ASIP: variants seen among roughly 807,000 people sequenced by gnomAD.
The protein encoded by ASIP is agouti signaling protein.
In ASIP, 11 loss-of-function variants were observed where a neutral mutation model predicts 10.3. The observed-to-expected ratio is 1.07, with a 90% CI of 0.68 to 1.78. The LOEUF (loss-of-function observed/expected upper bound fraction) is 1.78. Among genes scored for constraint, ASIP ranks in the 40% most tolerant of loss-of-function variants. The pLI is 0.00. For synonymous variants in ASIP, 70 were observed against 70.8 expected (o/e 0.99, Z 0.06); for missense variants, 180 against 169.2 (o/e 1.06, Z -0.35).
chr20:34,205,396 A>C (rs1389941301), intron 1 of ASIP, among the ~76,000 whole-genome samples: 1 of 151,246 alleles, frequency 6.6e-6, no homozygotes, highest in African/African-American at 2.4e-5. Flanking sequence ...GCGCATCCGG[A>C]GTTGTTCATT....
chr20:34,206,678 A>G (rs2034939181), intron 1 of ASIP, among the ~76,000 whole-genome samples: 1 of 152,176 alleles, frequency 6.6e-6, no homozygotes, highest in Non-Finnish European at 1.5e-5. Context: ...TCCTGGGTTC[A>G]AGCAATTCTT....
intron 1 of ASIP, among the ~76,000 whole-genome samples, chr20:34,197,366 T>C (rs531528560): frequency 6.6e-6 from 1 of 152,088 alleles, no homozygotes; most frequent in Admixed American, 6.5e-5. Flanking sequence ...GTCTCAAAAA[T>C]AGAAAAAAAG....
chr20:34,213,990 C>T, intron 1 of ASIP: 1 of 1,574,768 alleles, frequency 6.4e-7, no homozygotes, highest in Non-Finnish European at 8.6e-7. Flanking sequence ...TAAACTTCTC[C>T]ATTAGTGGAG....
At chr20:34,258,346 CT>C (rs56005855) in intron 1 of ASIP, among the ~76,000 whole-genome samples, 1,551 of 138,200 alleles carry the variant, frequency 0.011, 22 homozygotes, top group African/African-American at 0.032. Flanking sequence ...GTTGGATATT[CT>C]TTTTTTTTTT....
chr20:34,199,031 G>GT (rs1037684686), intron 1 of ASIP, among the ~76,000 whole-genome samples: 3 of 152,050 alleles, frequency 2.0e-5, no homozygotes, highest in Non-Finnish European at 4.4e-5. Flanking sequence ...GTGTGTAGGT[G>GT]TTTTTATGCG....
chr20:34,250,668 A>G (rs1036562189), intron 1 of ASIP, among the ~76,000 whole-genome samples: 1 of 152,102 alleles, frequency 6.6e-6, no homozygotes, highest in Non-Finnish European at 1.5e-5. Flanking sequence ...GTAGTGGTGC[A>G]TGCCTGTAAT....
At chr20:34,201,396 T>C (rs1209101236) in intron 1 of ASIP, among the ~76,000 whole-genome samples, 1 of 152,192 alleles carries the variant, frequency 6.6e-6, no homozygotes, top group African/African-American at 2.4e-5. Context: ...CGAGAATTGA[T>C]AGGGTTAATT....
chr20:34,201,000 C>T lies in ASIP; in HGVS notation c.-11+6240C>T, dbSNP rs1472212252. On this transcript the variant is annotated intron_variant, in intron 1 of 3. Coordinates refer to the ASIP transcript ENST00000568305. Reference sequence around the variant, plus strand: ...TCCTTCCTTCCTTCCTTCCTTCCTTCCTTCCTTCCTTCCTTCCTTCTTTCT... The same window carrying T: ...TCCTTCCTTCCTTCCTTCCTTCCTTTCTTCCTTCCTTCCTTCCTTCTTTCT... Among the ~76,000 whole-genome samples, 70 of 64,818 alleles carry T rather than the reference C, an allele frequency of 1.1e-3. 3 individuals are homozygous for T. In the African/African-American group the frequency reaches 0.012, roughly 11 times the overall value. The allele number at this position is 64,818 out of a possible 152,430, so 42.5% of individuals were successfully genotyped here.
chr20:34,268,899 G>T, intron 3 of ASIP, 92 bp from the exon 4 acceptor site: 2 of 1,484,996 alleles, frequency 1.3e-6, no homozygotes, highest in Non-Finnish European at 1.8e-6. Context: ...CTCTGGTCCG[G>T]GATCTCCCTA....
intron 1 of ASIP, among the ~76,000 whole-genome samples, chr20:34,250,863 G>T (rs2035463196): frequency 6.6e-6 from 1 of 152,048 alleles, no homozygotes; most frequent in Non-Finnish European, 1.5e-5. Flanking sequence ...ATCCCTGAAG[G>T]ATTAAGATAC....
chr20:34,219,396 A>G (rs981232103), intron 1 of ASIP, among the ~76,000 whole-genome samples: 4 of 152,152 alleles, frequency 2.6e-5, no homozygotes, highest in African/African-American at 2.4e-5. Context: ...TTTTAATTTA[A>G]TCTCCCAAAA....
chr20:34,241,223 T>A (rs1209010955), upstream of ASIP, among the ~76,000 whole-genome samples: 2 of 152,234 alleles, frequency 1.3e-5, no homozygotes, highest in African/African-American at 4.8e-5. Flanking sequence ...AAATAAAGGA[T>A]AACCCTTTAC....
Position 34,235,857 on chromosome 20 carries a change from GAAGGAAGGA to G in ASIP, c.-10-24497_-10-24489del, listed in dbSNP as rs1359987997. The stretch of plus-strand genomic sequence containing the variant: ...AGAAAGAAAGAAGGAAGGAAGGAAG[GAAGGAAGGA>G]AAGGAAGGAAGGAAGGAAGGAAGGA... On this transcript the variant is annotated intron_variant, in intron 1 of 3. Transcript: ENST00000568305. Among the ~76,000 whole-genome samples the G allele has an allele frequency of 2.3e-3, 106 of 45,386 alleles. 3 individuals carry two copies. In the African/African-American group the frequency reaches 0.025, roughly 11 times the overall value. The allele number at this position is 45,386 out of a possible 152,430, so 29.8% of individuals were successfully genotyped here.
upstream of ASIP, among the ~76,000 whole-genome samples, chr20:34,238,924 T>C (rs1369018797): frequency 6.6e-6 from 1 of 152,210 alleles, no homozygotes; most frequent in Non-Finnish European, 1.5e-5. Context: ...AAGCCTTCAA[T>C]AGACTCCATG....
At chr20:34,246,302 C>A (rs2035374430) in intron 1 of ASIP, 1 of 1,550,968 alleles carries the variant, frequency 6.4e-7, no homozygotes, top group African/African-American at 1.4e-5. Flanking sequence ...TTGACCCTCA[C>A]TAATTCCAGC....
chr20:34,235,932 G>A lies in ASIP; in HGVS notation c.-10-24433G>A, dbSNP rs933239280. Among the ~76,000 whole-genome samples, 711 of 94,044 alleles carry A rather than the reference G, an allele frequency of 7.6e-3. 229 individuals carry two copies. The African/African-American group carries it at 0.095, about 13-fold the overall frequency. 61.7% of individuals were successfully genotyped at this position (94,044 alleles called of 152,430 possible). On this transcript the variant is annotated intron_variant, in intron 1 of 3. Coordinates refer to the ASIP transcript ENST00000568305. ...GAAGGAAGGAAGGAAGGAAGGAAGC[G>A]GGAGGGAGGGAAGAAGGAAGGAAGG...
upstream of ASIP, among the ~76,000 whole-genome samples, chr20:34,237,629 G>A (rs530384277): frequency 9.9e-5 from 15 of 152,150 alleles, no homozygotes; most frequent in South Asian, 1.4e-3. Flanking sequence ...TTTTTAATGC[G>A]GATGGCTTTG....
At chr20:34,254,064 T>TGTTTC (rs779968482) in intron 1 of ASIP, among the ~76,000 whole-genome samples, 1 of 151,928 alleles carries the variant, frequency 6.6e-6, no homozygotes, top group African/African-American at 2.4e-5. Context: ...TGTTTTGTTT[T>TGTTTC]GTTTCGTTTT....
At chr20:34,244,560 G>A (rs2035338478) in intron 1 of ASIP, among the ~76,000 whole-genome samples, 1 of 152,170 alleles carries the variant, frequency 6.6e-6, no homozygotes, top group Non-Finnish European at 1.5e-5. Context: ...ACCACACAAT[G>A]TGCCATCACT....
Sources: gnomAD v4.1 joint callset for allele counts (sites outside exome capture counted in the v4.1 genomes callset) on GRCh38, gnomAD v4.1.1 for gene constraint, MANE v1.5 for transcripts, NCBI Gene and HGNC (gene_info 2026-07-23, HGNC 2026-07-21) for gene names.